Variants in ADGRL2 observed in about 807,000 individuals in gnomAD.
ADGRL2 encodes the protein calcium-independent alpha-latrotoxin receptor 2.
A neutral mutation model predicts 157.4 loss-of-function variants in ADGRL2; 44 were observed. The ratio of observed to expected loss-of-function variants is 0.28; its 90% confidence interval spans 0.22 to 0.36. ADGRL2 has a LOEUF of 0.36. Among genes scored for constraint, ADGRL2 ranks in the 10% least tolerant of loss-of-function variants. The pLI, the probability that ADGRL2 is intolerant of heterozygous loss-of-function variation, is 1.00. For missense variants in ADGRL2, 1,510 were observed against 1,768.9 expected (o/e 0.85, Z 2.63); for synonymous variants, 585 against 624.7 (o/e 0.94, Z 0.95).
intron 1 of ADGRL2, among the ~76,000 whole-genome samples, chr1:81,332,934 A>C (rs1661370166): frequency 1.3e-5 from 2 of 152,172 alleles, no homozygotes. Flanking sequence ...TAAGACTGTG[A>C]TATTTTACAC....
chr1:81,383,808 C>CAAAAAAA (rs56660027), intron 1 of ADGRL2, among the ~76,000 whole-genome samples: 2 of 104,370 alleles, frequency 1.9e-5, no homozygotes, highest in African/African-American at 3.7e-5. Flanking sequence ...ACTAAAAATA[C>CAAAAAAA]AAAAAAAAAA....
chr1:81,930,154 A>G (rs2095197324), intron 3 of ADGRL2, among the ~76,000 whole-genome samples: 2 of 152,200 alleles, frequency 1.3e-5, no homozygotes, highest in South Asian at 4.1e-4. Context: ...TTCTGAGAGT[A>G]TAAGTAATGT....
intron 2 of ADGRL2, among the ~76,000 whole-genome samples, chr1:81,487,106 A>AAG (rs570188400): frequency 0.048 from 6,979 of 144,032 alleles, 222 homozygotes; most frequent in Admixed American, 0.082. Flanking sequence ...AAAAAAAAAA[A>AAG]AAAGAAAGTA....
chr1:81,712,312 A>G (rs1351566406), intron 1 of ADGRL2, among the ~76,000 whole-genome samples: 1 of 152,182 alleles, frequency 6.6e-6, no homozygotes, highest in African/African-American at 2.4e-5. Context: ...TCTTTCAAGT[A>G]CTTTTGGGCT....
At chr1:81,941,982 T>C (rs2148936191) in intron 4 of ADGRL2, 52 bp from the exon 5 acceptor site, 1 of 747,212 alleles carries the variant, frequency 1.3e-6, no homozygotes, top group African/African-American at 1.7e-5. Context: ...TAATCTTTTT[T>C]CTTTTTTCCT....
intron 3 of ADGRL2, among the ~76,000 whole-genome samples, chr1:81,910,261 A>ATAATAATAATAATAG (rs1553187043): frequency 1.3e-5 from 2 of 149,872 alleles, no homozygotes; most frequent in African/African-American, 2.4e-5. Context: ...AATAATAATA[A>ATAATAATAATAATAG]TAATAATAAT....
At chr1:81,873,687 TATATTCTATGAATATTATC>T (rs1168710251) in intron 2 of ADGRL2, among the ~76,000 whole-genome samples, 7 of 152,216 alleles carry the variant, frequency 4.6e-5, no homozygotes, top group East Asian at 1.9e-4. Flanking sequence ...ACTTGGATAG[TATATTCTATGAATATTATC>T]ATAATCTTTG....
intron 2 of ADGRL2, among the ~76,000 whole-genome samples, chr1:81,553,391 A>C (rs2148400198): frequency 6.6e-6 from 1 of 152,288 alleles, no homozygotes; most frequent in South Asian, 2.1e-4. Flanking sequence ...GCTATGCAAA[A>C]ATTTTTCACA....
At chr1:81,599,284 C>T (rs2081293057) in intron 3 of ADGRL2, among the ~76,000 whole-genome samples, 1 of 152,186 alleles carries the variant, frequency 6.6e-6, no homozygotes, top group Non-Finnish European at 1.5e-5. Context: ...CCTTAGTACA[C>T]TCATCCATTT....
intron 2 of ADGRL2, among the ~76,000 whole-genome samples, chr1:81,790,118 T>C (rs2087260480): frequency 6.6e-6 from 1 of 152,206 alleles, no homozygotes; most frequent in Non-Finnish European, 1.5e-5. Flanking sequence ...TCTAAGTTGT[T>C]GGGACAGGAA....
chr1:81,352,751 A>T (rs6670800), intron 1 of ADGRL2, among the ~76,000 whole-genome samples: 114,585 of 151,946 alleles, frequency 0.75, 43,971 homozygotes, highest in African/African-American at 0.84. Flanking sequence ...AACACTTTTG[A>T]TGTAGAAGGG....
chr1:81,921,542 A>G (rs1422767539), intron 3 of ADGRL2, among the ~76,000 whole-genome samples: 2 of 152,190 alleles, frequency 1.3e-5, no homozygotes, highest in Non-Finnish European at 2.9e-5. Flanking sequence ...GAAGAGCACA[A>G]CATTTGCTGC....
intron 3 of ADGRL2, among the ~76,000 whole-genome samples, chr1:81,917,618 T>G (rs1157278453): frequency 6.6e-6 from 1 of 152,188 alleles, no homozygotes; most frequent in Non-Finnish European, 1.5e-5. Context: ...TCTCTCAAAA[T>G]TTGTTAACAT....
chr1:81,712,887 T>C (rs1267757914), intron 1 of ADGRL2, among the ~76,000 whole-genome samples: 1 of 150,384 alleles, frequency 6.6e-6, no homozygotes, highest in African/African-American at 2.5e-5. Flanking sequence ...CTCAGCCTCC[T>C]GTGTAGCTGG....
At chr1:81,614,737 A>G (rs1201192034) in intron 3 of ADGRL2, among the ~76,000 whole-genome samples, 4 of 152,046 alleles carry the variant, frequency 2.6e-5, no homozygotes, top group Non-Finnish European at 5.9e-5. Flanking sequence ...CTAAAAACAG[A>G]TATCAGGCCA....
chr1:81,787,493 G>A (rs542066849), intron 2 of ADGRL2, among the ~76,000 whole-genome samples: 1 of 151,616 alleles, frequency 6.6e-6, no homozygotes, highest in South Asian at 2.1e-4. Flanking sequence ...TATCTCTACC[G>A]AAAATACAAA....
intron 2 of ADGRL2, among the ~76,000 whole-genome samples, chr1:81,492,341 A>G (rs540571816): frequency 3.7e-4 from 57 of 152,352 alleles, no homozygotes; most frequent in Non-Finnish European, 6.0e-4. Context: ...AAAATAACCA[A>G]TGAAGTGAAA....
intron 1 of ADGRL2, among the ~76,000 whole-genome samples, chr1:81,710,595 G>T (rs1436541026): frequency 6.8e-6 from 1 of 146,860 alleles, no homozygotes; most frequent in African/African-American, 2.5e-5. Flanking sequence ...ACTCCAGCCT[G>T]GGTGACAGAG....
intron 1 of ADGRL2, among the ~76,000 whole-genome samples, chr1:81,416,132 G>T (rs2077029518): frequency 6.6e-6 from 1 of 152,104 alleles, no homozygotes; most frequent in African/African-American, 2.4e-5. Context: ...TTACAGGCGT[G>T]AGCCACTGTG....
Sources: allele counts gnomAD v4.1 joint callset (sites outside exome capture counted in the v4.1 genomes callset), GRCh38; gene constraint gnomAD v4.1.1; transcripts MANE v1.5; gene names NCBI Gene and HGNC (gene_info 2026-07-23, HGNC 2026-07-21).